Variants in TRAM2 observed in about 807,000 individuals in gnomAD.
TRAM2 encodes translocation associated membrane protein 2.
Under a neutral mutation model 51.0 loss-of-function variants are expected in TRAM2, and 12 were observed. The ratio of observed to expected loss-of-function variants is 0.24; its 90% CI spans 0.15 to 0.38. The LOEUF is 0.38. Ranked by LOEUF, TRAM2 falls within the 10% of genes least tolerant of loss-of-function variation. The probability of loss-of-function intolerance (pLI) is 1.00; values close to 1 mark genes in which losing one functional copy is unlikely to be tolerated. For synonymous variants in TRAM2, 175 were observed against 179.4 expected, an observed-to-expected ratio of 0.98 and a Z score of 0.20; for missense variants, 361 against 462.0, an observed-to-expected ratio of 0.78 and a Z score of 2.00.
At chr6:52,512,373 C>A (rs1766466203) in intron 4 of TRAM2, among the ~76,000 whole-genome samples, 1 of 152,124 alleles carries the variant, frequency 6.6e-6, no homozygotes. Flanking sequence ...TCCACGGGGA[C>A]TGGAGGAGGA....
chr6:52,511,282 T>TTTTGTAC (rs1386394582), intron 4 of TRAM2, among the ~76,000 whole-genome samples: 1 of 152,188 alleles, frequency 6.6e-6, no homozygotes, highest in Non-Finnish European at 1.5e-5. Flanking sequence ...TTTTTGTACT[T>TTTTGTAC]TTAGCAGAGA....
chr6:52,572,679 T>C (rs562167528), intron 1 of TRAM2, among the ~76,000 whole-genome samples: 1 of 152,336 alleles, frequency 6.6e-6, no homozygotes, highest in South Asian at 2.1e-4. Context: ...GAAGCAGGAT[T>C]GTTTTATGAT....
chr6:52,569,883 C>T (rs1313521344), intron 1 of TRAM2, among the ~76,000 whole-genome samples: 1 of 152,102 alleles, frequency 6.6e-6, no homozygotes, highest in East Asian at 1.9e-4. Flanking sequence ...CAAATATTGG[C>T]ATTCAAATAT....
intron 2 of TRAM2, among the ~76,000 whole-genome samples, chr6:52,531,601 G>A (rs544184801): frequency 2.6e-5 from 4 of 152,156 alleles, no homozygotes; most frequent in Non-Finnish European, 5.9e-5. Flanking sequence ...GCTGGCCTAT[G>A]TACAGTTACT....
At chr6:52,506,196 A>AAG in intron 7 of TRAM2, 60 bp from the exon 8 acceptor site, 1 of 1,511,434 alleles carries the variant, frequency 6.6e-7, no homozygotes, top group Non-Finnish European at 9.1e-7. Flanking sequence ...AGCAGAAGCC[A>AAG]TTGCATCTTG....
At position 52,504,712 on chromosome 6, in the gene TRAM2, G is replaced by A. The variant is rs73740394; in HGVS notation, c.918C>T (p.Leu306=). The change falls in exon 10 of 11, where the codon CTC becomes CTT. Residue 306 remains leucine (L), a synonymous_variant. Transcript: ENST00000182527. ...GCTGGGAGTGGATGAAGCGCCACAT[G>A]AGCCAGGCCTGGGCGGCACACACCA... is the stretch of plus-strand genomic sequence containing the variant. ...LLLVCAAQAW[L]MWRFIHSQLR... 7.7e-4 allele frequency: 1,233 copies of A among 1,611,694 alleles called. 13 individuals carry two copies. In the African/African-American group the frequency reaches 0.014, roughly 18 times the overall value.
chr6:52,505,932 G>T, intron 8 of TRAM2, 100 bp downstream of exon 8: 1 of 1,429,072 alleles, frequency 7.0e-7, no homozygotes, highest in Non-Finnish European at 9.7e-7. Flanking sequence ...GCAGGTAAGC[G>T]GGCAGTGTGC....
At chr6:52,535,686 GAAA>G in intron 2 of TRAM2, 94 bp downstream of exon 2, 22 of 948,700 alleles carry the variant, frequency 2.3e-5, no homozygotes, top group East Asian at 5.6e-5. Flanking sequence ...CGTCATGGGG[GAAA>G]AAAAAAAAAT....
At chr6:52,576,051 A>G (rs1206249856) in intron 1 of TRAM2, among the ~76,000 whole-genome samples, 3 of 151,984 alleles carry the variant, frequency 2.0e-5, no homozygotes, top group Non-Finnish European at 4.4e-5. Flanking sequence ...CCACTCCTAC[A>G]CTATAAGAGA....
At chr6:52,539,721 G>A (rs935437981) in intron 1 of TRAM2, among the ~76,000 whole-genome samples, 9 of 152,190 alleles carry the variant, frequency 5.9e-5, no homozygotes, top group Admixed American at 5.2e-4. Context: ...CCCCAGAACA[G>A]AGCGGCACTC....
intron 1 of TRAM2, among the ~76,000 whole-genome samples, chr6:52,573,576 C>T (rs1268709159): frequency 6.6e-6 from 1 of 152,130 alleles, no homozygotes. Flanking sequence ...CCCCTGCCTT[C>T]GAAACAGGAT....
intron 5 of TRAM2, 104 bp downstream of exon 5, chr6:52,509,424 C>A: frequency 9.0e-7 from 1 of 1,116,548 alleles, no homozygotes. Context: ...ATGATCTGCT[C>A]GTCAGGCCAG....
At chr6:52,563,973 C>A (rs145087146) in intron 1 of TRAM2, among the ~76,000 whole-genome samples, 30 of 151,488 alleles carry the variant, frequency 2.0e-4, no homozygotes, top group Non-Finnish European at 4.1e-4. Flanking sequence ...GCTAAAGTAG[C>A]CAGCATTCCT....
At chr6:52,548,289 CTCT>C (rs1562485736) in intron 1 of TRAM2, among the ~76,000 whole-genome samples, 1 of 152,234 alleles carries the variant, frequency 6.6e-6, no homozygotes, top group Non-Finnish European at 1.5e-5. Context: ...AAACCAACCA[CTCT>C]TCTTTGAATA....
At chr6:52,562,113 C>T (rs988790013) in intron 1 of TRAM2, among the ~76,000 whole-genome samples, 2 of 151,872 alleles carry the variant, frequency 1.3e-5, no homozygotes, top group Non-Finnish European at 2.9e-5. Flanking sequence ...GGATTATCAA[C>T]TGGTAATTCC....
At position 52,500,518 on chromosome 6, in the gene TRAM2, G is replaced by A. The variant is rs923218795; in HGVS notation, c.*2679C>T. 2.6e-4 allele frequency: 21 copies of A among 79,474 alleles called. No homozygotes were observed. Among genetic ancestry groups the A allele is most frequent in the Non-Finnish European group, 6.3e-4 (20 of 31,866 alleles). The allele number at this position is 79,474 out of a possible 1,614,324, so 4.9% of individuals were successfully genotyped here. A position where few individuals can be genotyped will look rare whatever the true frequency, so the allele number is the denominator to read the frequency against. ...TGCCAGCCCCACTCATGGTCTCAGG[G>A]TTTTTTTTTGTTTTTTTTTTTTTTT... On this transcript the variant is annotated 3_prime_UTR_variant, in exon 11 of 11. Transcript: ENST00000182527.
At position 52,508,298 on chromosome 6, in the gene TRAM2, T is replaced by C. The variant is rs1766386921; in HGVS notation, c.491A>G (p.Tyr164Cys). Residue 164 changes from tyrosine to cysteine, a missense_variant, in exon 6 of 11, where the codon TAC becomes TGC. By Grantham distance (194) the Tyr-to-Cys change is radical (BLOSUM62 -2). Coordinates refer to ENST00000182527, the MANE Select transcript of TRAM2 (RefSeq NM_012288.4). ...VHLPFQVKFF[Y>C]LCQLAYWLHA... is the part of the protein sequence containing the mutation. ...CAGCCAGTAGGCCAGCTGGCATAGG[T>C]AGAAAAACTTCACCTGGAAGCTGGA... The C allele has an allele frequency of 6.2e-7, 1 of 1,613,646 alleles. No homozygotes were observed. Among genetic ancestry groups the C allele is most frequent in the East Asian group, 2.2e-5 (1 of 44,868 alleles).
intron 1 of TRAM2, among the ~76,000 whole-genome samples, chr6:52,556,552 G>A (rs1028818864): frequency 2.6e-5 from 4 of 151,916 alleles, no homozygotes; most frequent in Non-Finnish European, 4.4e-5. Flanking sequence ...AGAGTGTTGG[G>A]ATTACAGGCA....
At chr6:52,570,263 T>C (rs910105921) in intron 1 of TRAM2, among the ~76,000 whole-genome samples, 26 of 152,336 alleles carry the variant, frequency 1.7e-4, no homozygotes, top group African/African-American at 4.6e-4. Context: ...TGTTTGCTTA[T>C]GTTCACACGT....
Sources: gnomAD v4.1 joint callset for allele counts (sites outside exome capture counted in the v4.1 genomes callset) on GRCh38, gnomAD v4.1.1 for gene constraint, MANE v1.5 for transcripts, NCBI Gene and HGNC (gene_info 2026-07-23, HGNC 2026-07-21) for gene names.